The following RAB38 variants were observed in gnomAD, a reference collection of about 807,000 sequenced individuals.
The protein encoded by RAB38 is RAB38, member RAS oncogene family.
Under a neutral mutation model 18.4 loss-of-function variants are expected in RAB38, and 15 were observed. The ratio of observed to expected loss-of-function variants is 0.82; its 90% confidence interval spans 0.55 to 1.26. The LOEUF is 1.26. RAB38 is among the 50% of genes most tolerant of loss of function. RAB38 has a pLI of 0.00. For synonymous variants in RAB38, 101 were observed against 104.4 expected (o/e 0.97, Z 0.20); for missense variants, 294 against 267.4 (o/e 1.10, Z -0.69).
chr11:88,018,371 T>C, the RAB38 span, among the ~76,000 whole-genome samples: 2 of 152,138 alleles, frequency 1.3e-5, no homozygotes, highest in African/African-American at 4.8e-5. Flanking sequence ...CTCTACTGAA[T>C]TCCCCCCACT....
chr11:88,160,254 A>C (rs1320045990), intron 1 of RAB38, among the ~76,000 whole-genome samples: 1 of 152,156 alleles, frequency 6.6e-6, no homozygotes, highest in Admixed American at 6.6e-5. Context: ...AGAGAAATGC[A>C]AATCAAAACT....
chr11:88,164,395 T>C (rs1943224009), intron 1 of RAB38, among the ~76,000 whole-genome samples: 1 of 152,094 alleles, frequency 6.6e-6, no homozygotes, highest in Admixed American at 6.6e-5. Context: ...GTTAACACTA[T>C]ATTCCTTTTG....
intron 2 of RAB38, among the ~76,000 whole-genome samples, chr11:88,121,287 A>G (rs1256985659): frequency 6.6e-6 from 1 of 152,238 alleles, no homozygotes. Flanking sequence ...TGAGGTATCT[A>G]AACAGTAATA....
At chr11:88,138,581 T>G (rs1372055742) in intron 2 of RAB38, among the ~76,000 whole-genome samples, 1 of 152,140 alleles carries the variant, frequency 6.6e-6, no homozygotes, top group African/African-American at 2.4e-5. Flanking sequence ...GTTCTAATTT[T>G]GACTCTGCCA....
intron 1 of RAB38, chr11:88,165,547 T>C (rs1328409305): frequency 6.6e-6 from 1 of 152,160 alleles, no homozygotes; most frequent in Non-Finnish European, 1.5e-5. Flanking sequence ...TTCATTACTC[T>C]TCTTAAAAGA....
intron 1 of RAB38, among the ~76,000 whole-genome samples, chr11:88,158,229 G>A (rs1040961330): frequency 6.6e-6 from 1 of 151,934 alleles, no homozygotes. Context: ...GATTGAATCA[G>A]AAAGGAATTA....
chr11:88,093,993 G>T, the RAB38 span, among the ~76,000 whole-genome samples: 1 of 147,406 alleles, frequency 6.8e-6, no homozygotes, highest in Non-Finnish European at 1.5e-5. Flanking sequence ...CTGCATCATT[G>T]CTTCCATGGC....
chr11:87,869,141 A>T, the RAB38 span, among the ~76,000 whole-genome samples: 5 of 151,624 alleles, frequency 3.3e-5, 1 homozygote, highest in Admixed American at 1.3e-4. Flanking sequence ...TATCATCATC[A>T]CTTATATTTT....
chr11:87,975,671 T>C, the RAB38 span, among the ~76,000 whole-genome samples: 5 of 151,838 alleles, frequency 3.3e-5, no homozygotes, highest in African/African-American at 7.2e-5. Context: ...AATGAAATTA[T>C]TGAGAGATTC....
chr11:87,977,476 ATATAAT>A, the RAB38 span, among the ~76,000 whole-genome samples: 3 of 44,350 alleles, frequency 6.8e-5, no homozygotes, highest in East Asian at 1.5e-3. Flanking sequence ...TATATTACAT[ATATAAT>A]TATATATAAT....
chr11:88,029,885 G>C, the RAB38 span, among the ~76,000 whole-genome samples: 1 of 152,062 alleles, frequency 6.6e-6, no homozygotes, highest in Non-Finnish European at 1.5e-5. Flanking sequence ...AGACCTAATA[G>C]ACATCTACAG....
the RAB38 span, among the ~76,000 whole-genome samples, chr11:87,874,846 T>C: frequency 1.3e-5 from 2 of 151,306 alleles, no homozygotes; most frequent in East Asian, 2.0e-4. Flanking sequence ...AGGTTGCTGG[T>C]GGGAATGTAA....
the RAB38 span, among the ~76,000 whole-genome samples, chr11:87,807,973 T>G: frequency 6.6e-6 from 1 of 152,346 alleles, no homozygotes; most frequent in South Asian, 2.1e-4. Flanking sequence ...CATGTCCTAT[T>G]GGCAGAGCCA....
At chr11:87,951,128 C>A in the RAB38 span, among the ~76,000 whole-genome samples, 1 of 151,804 alleles carries the variant, frequency 6.6e-6, no homozygotes, top group East Asian at 2.0e-4. Context: ...TGCTTCATTT[C>A]ATTCATTTCA....
the RAB38 span, among the ~76,000 whole-genome samples, chr11:87,853,145 G>A: frequency 7.7e-4 from 117 of 152,292 alleles, no homozygotes; most frequent in African/African-American, 2.7e-3. Context: ...GTCTGGAAAG[G>A]TTTATGAAGT....
At chr11:88,173,044 T>C (rs1455643508) in intron 1 of RAB38, among the ~76,000 whole-genome samples, 1 of 152,222 alleles carries the variant, frequency 6.6e-6, no homozygotes, top group African/African-American at 2.4e-5. Flanking sequence ...CAGCCTCCAC[T>C]GCAACTTCAG....
At chr11:88,085,391 A>T in the RAB38 span, among the ~76,000 whole-genome samples, 1 of 151,940 alleles carries the variant, frequency 6.6e-6, no homozygotes, top group African/African-American at 2.4e-5. Flanking sequence ...CTCACAAGGG[A>T]AGCCAAGTAA....
chr11:87,893,375 T>C, the RAB38 span, among the ~76,000 whole-genome samples: 1 of 30,926 alleles, frequency 3.2e-5, no homozygotes, highest in African/African-American at 5.9e-5. Flanking sequence ...ATTTTACATA[T>C]ATATATATAT....
intron 2 of RAB38, among the ~76,000 whole-genome samples, chr11:88,119,945 T>C (rs1942609457): frequency 6.6e-6 from 1 of 152,252 alleles, no homozygotes; most frequent in South Asian, 2.1e-4. Context: ...CACTTGTTTA[T>C]TGAGCACATA....
Sources: allele counts gnomAD v4.1 joint callset (sites outside exome capture counted in the v4.1 genomes callset), GRCh38; gene constraint gnomAD v4.1.1; transcripts MANE v1.5; gene names NCBI Gene and HGNC (gene_info 2026-07-23, HGNC 2026-07-21).